The following TEX10 variants were observed in gnomAD, a reference collection of about 807,000 sequenced individuals.
The protein encoded by TEX10 is testis-expressed protein 10.
Under a neutral mutation model 104.4 loss-of-function variants are expected in TEX10, and 24 were observed. The ratio of observed to expected loss-of-function variants is 0.23; its 90% CI spans 0.17 to 0.32. The LOEUF is 0.32. Among genes scored for constraint, TEX10 ranks in the 10% least tolerant of loss-of-function variants. The pLI is 1.00. For synonymous variants in TEX10, 396 were observed against 393.4 expected (o/e 1.01, Z -0.08); for missense variants, 921 against 1,083.9 (o/e 0.85, Z 2.11).
At position 100,330,080 on chromosome 9, in the gene TEX10, G is replaced by C; in HGVS notation, c.1340C>G (p.Ala447Gly). The change falls in exon 6 of 15, where the codon GCG becomes GGG. Residue 447 changes from alanine (A) to glycine (G), a missense_variant. This residue lies in a region of TEX10 where 753 missense variants were observed against 868.4 expected (regional missense o/e 0.87). Coordinates refer to ENST00000374902, the MANE Select transcript of TEX10 (RefSeq NM_017746.4). ...LSDIMVSLAN[A>G]STLQKDCSWI... ...ACTGCAATCCTTCTGCAAAGTTGAC[G>C]CATTTGCCAGGGAGACCATGATATC... 1 of 1,614,044 alleles carries C rather than the reference G, an allele frequency of 6.2e-7. No homozygotes were observed. Among genetic ancestry groups the C allele is most frequent in the Non-Finnish European group, 8.5e-7 (1 of 1,179,980 alleles).
chr9:100,318,727 T>A (rs1028891731), intron 11 of TEX10, among the ~76,000 whole-genome samples: 2 of 152,226 alleles, frequency 1.3e-5, no homozygotes, highest in African/African-American at 2.4e-5. Context: ...TTAAGACAAT[T>A]TTGCCTATTA....
chr9:100,334,451 G>A (rs1485215362), intron 5 of TEX10, among the ~76,000 whole-genome samples: 1 of 152,016 alleles, frequency 6.6e-6, no homozygotes, highest in Non-Finnish European at 1.5e-5. Context: ...TTTATGGGGG[G>A]AGAAAAAAAC....
chr9:100,343,903 T>C (rs926178680), intron 4 of TEX10, among the ~76,000 whole-genome samples: 1 of 152,160 alleles, frequency 6.6e-6, no homozygotes, highest in Non-Finnish European at 1.5e-5. Flanking sequence ...CTCAACACTT[T>C]GGGAGGCCAA....
chr9:100,337,785 AG>A (rs1444716800), intron 5 of TEX10, among the ~76,000 whole-genome samples: 1 of 152,210 alleles, frequency 6.6e-6, no homozygotes, highest in Non-Finnish European at 1.5e-5. Context: ...TAGTTACAAA[AG>A]TCTCATCCCT....
At chr9:100,302,937 C>CCA (rs1554732273) in intron 14 of TEX10, among the ~76,000 whole-genome samples, 1 of 112,862 alleles carries the variant, frequency 8.9e-6, no homozygotes, top group East Asian at 2.0e-4. Context: ...CGCCCCCCCC[C>CCA]CAAACTAAAA....
intron 11 of TEX10, among the ~76,000 whole-genome samples, chr9:100,310,586 C>T (rs1453810739): frequency 6.6e-6 from 1 of 152,020 alleles, no homozygotes; most frequent in Non-Finnish European, 1.5e-5. Flanking sequence ...TACAGGTGCA[C>T]ACCACCACGC....
chr9:100,319,631 C>T (rs1193567186), intron 11 of TEX10, among the ~76,000 whole-genome samples: 1 of 151,566 alleles, frequency 6.6e-6, no homozygotes, highest in Non-Finnish European at 1.5e-5. Flanking sequence ...ATAGTAAAAC[C>T]CCGTCTCTAC....
chr9:100,346,267 A>G lies in TEX10; in HGVS notation c.942T>C (p.Thr314=), dbSNP rs1338182248. 2 of 1,613,986 alleles carry G rather than the reference A, an allele frequency of 1.2e-6. No individual in the cohort carries two copies. The highest frequency in any genetic ancestry group is 1.7e-6 in the Non-Finnish European group (2 of 1,179,974). The part of the protein sequence containing the change: ...LSGVDEGLSS[T]ENLKGFIEII... ...TCTCAATAAATCCTTTCAGGTTTTC[A>G]GTAGATGACAGGCCTTCATCCACAC... Residue 314 remains threonine, a synonymous_variant, in exon 4 of 15, where the codon ACT becomes ACC. Transcript: ENST00000374902.
chr9:100,328,456 T>C (rs1225822065), intron 7 of TEX10, among the ~76,000 whole-genome samples: 1 of 152,216 alleles, frequency 6.6e-6, no homozygotes, highest in African/African-American at 2.4e-5. Flanking sequence ...AGCTCTGCTA[T>C]ACATTAGCTA....
chr9:100,348,446 T>C (rs952123920), intron 2 of TEX10, among the ~76,000 whole-genome samples: 2 of 152,226 alleles, frequency 1.3e-5, no homozygotes, highest in African/African-American at 4.8e-5. Flanking sequence ...GCTGTTAGAT[T>C]CTTAAGCAAC....
chr9:100,336,000 T>C (rs1400118531), intron 5 of TEX10, among the ~76,000 whole-genome samples: 2 of 151,732 alleles, frequency 1.3e-5, no homozygotes, highest in Non-Finnish European at 2.9e-5. Flanking sequence ...AAACCCCGTC[T>C]CTACTAGATA....
chr9:100,344,852 TAAAAA>T (rs1047394606), intron 4 of TEX10, among the ~76,000 whole-genome samples: 5 of 152,014 alleles, frequency 3.3e-5, no homozygotes, highest in Admixed American at 6.6e-5. Context: ...GTCTCAAAAA[TAAAAA>T]GAAAAGAAAA....
chr9:100,309,724 C>T (rs917261835), intron 12 of TEX10, among the ~76,000 whole-genome samples: 1 of 152,166 alleles, frequency 6.6e-6, no homozygotes. Context: ...CTGCTTTGTA[C>T]TATAACACAT....
At chr9:100,325,950 C>T (rs1211524640) in intron 9 of TEX10, among the ~76,000 whole-genome samples, 2 of 152,244 alleles carry the variant, frequency 1.3e-5, no homozygotes, top group Admixed American at 6.5e-5. Flanking sequence ...TTTAATTCAC[C>T]AGCTACATTA....
At chr9:100,333,879 C>T (rs1302430477) in intron 5 of TEX10, among the ~76,000 whole-genome samples, 1 of 151,994 alleles carries the variant, frequency 6.6e-6, no homozygotes, top group Non-Finnish European at 1.5e-5. Flanking sequence ...TACAGTCTTT[C>T]CAATGAACGG....
At chr9:100,307,690 T>C (rs777679906) in intron 13 of TEX10, 1 of 152,138 alleles carries the variant, frequency 6.6e-6, no homozygotes, top group African/African-American at 2.4e-5. Context: ...AGAAGACATT[T>C]AACTGTGCAG....
intron 11 of TEX10, among the ~76,000 whole-genome samples, chr9:100,316,278 T>C (rs1406719890): frequency 2.0e-5 from 3 of 152,170 alleles, no homozygotes; most frequent in African/African-American, 4.8e-5. Context: ...AAAAACCATA[T>C]GATCATTTCA....
Position 100,347,499 on chromosome 9 carries a change from C to T in TEX10, c.181-93G>A. ...AACTAACACTACACTAGTAAACTGA[C>T]ACTCCTTGGGGAAACTGCTTCAATA... On this transcript the variant is annotated intron_variant, in intron 2 of 14. Transcript: ENST00000374902. 3 of 965,962 alleles carry T rather than the reference C, an allele frequency of 3.1e-6. No individual in the cohort carries two copies. In the South Asian group the frequency reaches 7.4e-5, roughly 24 times the overall value. 59.8% of individuals were successfully genotyped at this position (965,962 alleles called of 1,614,324 possible). A position where few individuals can be genotyped will look rare whatever the true frequency, so the allele number is the denominator to read the frequency against.
Position 100,347,253 on chromosome 9 carries a change from C to T in TEX10, c.334G>A (p.Ala112Thr). ...TGAACTGCTGCTAATCGTACATTAGCATCTTTATCTGTAAACACAGCAGTC... is the reference window on the plus strand; with the variant it reads ...TGAACTGCTGCTAATCGTACATTAGTATCTTTATCTGTAAACACAGCAGTC... ...EVTAVFTDKD[A>T]NVRLAAVQLL... The change falls in exon 3 of 15, where the codon GCT becomes ACT. Residue 112 changes from alanine (A) to threonine (T), a missense_variant. Physicochemically the swap from Ala to Thr is moderately conservative, Grantham distance 58. Around this residue, in one of 3 missense-constraint regions of TEX10, gnomAD observed 50 missense variants for 104.2 expected, o/e 0.48. Coordinates refer to ENST00000374902, the MANE Select transcript of TEX10 (RefSeq NM_017746.4). 9 of 1,614,110 alleles carry T rather than the reference C, an allele frequency of 5.6e-6. No homozygotes were observed. The highest frequency in any genetic ancestry group is 6.8e-6 in the Non-Finnish European group (8 of 1,180,002).
Sources: gnomAD v4.1 joint callset for allele counts (sites outside exome capture counted in the v4.1 genomes callset) on GRCh38, gnomAD v4.1.1 for gene constraint, gnomAD v4.1.1 regional missense constraint, MANE v1.5 for transcripts, NCBI Gene and HGNC (gene_info 2026-07-23, HGNC 2026-07-21) for gene names.